ADGRV1: variants seen among roughly 807,000 people sequenced by gnomAD.
ADGRV1 encodes G-protein coupled receptor 98.
ADGRV1 carries 359 observed loss-of-function variants against 596.2 expected under a neutral mutation model. That is an observed-to-expected ratio of 0.60 (90% CI 0.55 to 0.66). The LOEUF (loss-of-function observed/expected upper bound fraction) is 0.66, where lower values mean the gene tolerates loss of function less well. Among genes scored for constraint, ADGRV1 ranks in the 30% least tolerant of loss-of-function variants. The probability of loss-of-function intolerance (pLI) is 0.00; values close to 1 mark genes in which losing one functional copy is unlikely to be tolerated. For synonymous variants in ADGRV1, 2,681 were observed against 2,679.2 expected (o/e 1.00, Z -0.02); for missense variants, 7,274 against 7,575.6 (o/e 0.96, Z 1.48).
rs765033070 is a variant in ADGRV1, at chr5:90,711,089, T to A, written c.8903+30T>A. The stretch of plus-strand genomic sequence containing the variant: ...GGCCAAGGCTGCATGAGAGCCCTCT[T>A]CTGGGTTTCATATTATTTACTATCT... On this transcript the variant is annotated intron_variant, in intron 40 of 89. Transcript: ENST00000405460. 203 of 1,581,216 alleles carry A rather than the reference T, an allele frequency of 1.3e-4. 4 individuals are homozygous for A. The South Asian group carries it at 2.2e-3, about 18-fold the overall frequency.
chr5:91,023,087 G>A (rs1211636204), intron 85 of ADGRV1, among the ~76,000 whole-genome samples: 1 of 152,092 alleles, frequency 6.6e-6, no homozygotes, highest in Non-Finnish European at 1.5e-5. Flanking sequence ...TTTCCCCATT[G>A]AAGATACCAC....
chr5:90,692,014 A>C (rs1746538773), intron 31 of ADGRV1, among the ~76,000 whole-genome samples: 1 of 152,166 alleles, frequency 6.6e-6, no homozygotes, highest in Non-Finnish European at 1.5e-5. Flanking sequence ...GATAGCATTT[A>C]TTCTTTAATA....
intron 21 of ADGRV1, among the ~76,000 whole-genome samples, chr5:90,667,945 C>G (rs1238625495): frequency 6.6e-6 from 1 of 152,010 alleles, no homozygotes; most frequent in Admixed American, 6.5e-5. Context: ...CAGGCACCCA[C>G]TTGAGGAGGC....
intron 83 of ADGRV1, among the ~76,000 whole-genome samples, chr5:90,958,686 C>T (rs368095279): frequency 1.5e-3 from 227 of 152,190 alleles, no homozygotes; most frequent in African/African-American, 4.9e-3. Flanking sequence ...TGTGCATGTG[C>T]GTGTCTGTGT....
chr5:91,122,422 A>G (rs1036627910), intron 87 of ADGRV1, among the ~76,000 whole-genome samples: 3 of 152,246 alleles, frequency 2.0e-5, no homozygotes, highest in African/African-American at 4.8e-5. Context: ...ATGTACTTGT[A>G]TACACACAAA....
At chr5:90,653,166 A>G in intron 19 of ADGRV1, 43 bp from the exon 20 acceptor site, 1 of 1,499,148 alleles carries the variant, frequency 6.7e-7, no homozygotes, top group Middle Eastern at 1.8e-4. Flanking sequence ...ACTAGAAAGT[A>G]CTTGAAATTC....
intron 4 of ADGRV1, among the ~76,000 whole-genome samples, chr5:90,621,964 T>C (rs1764140907): frequency 6.6e-6 from 1 of 152,128 alleles, no homozygotes; most frequent in African/African-American, 2.4e-5. Flanking sequence ...ACCCCAGTTA[T>C]GTATGGGGCT....
intron 5 of ADGRV1, among the ~76,000 whole-genome samples, chr5:90,623,875 A>T (rs866893669): frequency 4.6e-5 from 7 of 152,208 alleles, no homozygotes; most frequent in African/African-American, 1.2e-4. Flanking sequence ...TTGATTGCTT[A>T]CTGACCATGT....
At position 90,653,761 on chromosome 5, in the gene ADGRV1, T is replaced by C; in HGVS notation, c.4187T>C (p.Leu1396Pro). Reference protein sequence around the residue: ...KIQTNESHVTLSLHYKTLGSN... With the variant: ...KIQTNESHVTPSLHYKTLGSN... ...CAAACAAACGAATCCCATGTGACAC[T>C]TTCCCTTCATTATAAAACCTTGGGT... Residue 1396 changes from leucine (L) to proline (P), a missense_variant, in exon 20 of 90, where the codon CTT (leucine) becomes CCT (proline). Around this residue, in one of 5 missense-constraint regions of ADGRV1, gnomAD observed 1,715 missense variants for 1,708.8 expected, o/e 1.00. Transcript: ENST00000405460. 5 of 1,613,250 alleles carry C rather than the reference T, an allele frequency of 3.1e-6. No homozygotes were observed. The highest frequency in any genetic ancestry group is 4.2e-6 in the Non-Finnish European group (5 of 1,179,550).
Position 90,805,367 on chromosome 5 carries a change from T to C in ADGRV1, c.14745T>C (p.Tyr4915=), listed in dbSNP as rs756529686. Residue 4915 remains tyrosine (Y), a synonymous_variant, in exon 72 of 90, where the codon TAT becomes TAC. Coordinates refer to ENST00000405460, the MANE Select transcript of ADGRV1 (RefSeq NM_032119.4). ...TTATGATTTCTAGGAGAGGCACATA[T>C]GGAGCTCTCTCGGTTGCCTGGACCA... is the stretch of plus-strand genomic sequence containing the variant. The part of the protein sequence containing the change: ...SHVMISRRGT[Y]GALSVAWTTG... 6 of 1,612,276 alleles carry C rather than the reference T, an allele frequency of 3.7e-6. No individual in the cohort carries two copies. The highest frequency in any genetic ancestry group is 1.7e-5 in the Admixed American group (1 of 59,994).
chr5:90,811,166 A>G lies in ADGRV1; in HGVS notation c.15906A>G (p.Ile5302Met). Residue 5302 changes from isoleucine (I) to methionine (M), a missense_variant, in exon 74 of 90, where the codon ATA (isoleucine) becomes ATG (methionine). This residue lies in a region of ADGRV1 where 1,874 missense variants were observed against 1,970.2 expected (regional missense o/e 0.95). Transcript: ENST00000405460. ...EDFEEQTLTLIFLDGERERKV... is the reference protein window; with the variant it reads ...EDFEEQTLTLMFLDGERERKV... ...TTGAAGAACAAACTCTTACCCTTAT[A>G]TTCCTAGATGGAGAAAGAGAACGTA... 2 of 1,613,894 alleles carry G rather than the reference A, an allele frequency of 1.2e-6. No individual in the cohort carries two copies. Among genetic ancestry groups the G allele is most frequent in the Non-Finnish European group, 8.5e-7 (1 of 1,179,828 alleles).
At chr5:90,595,670 C>A (rs1321142233) in intron 1 of ADGRV1, among the ~76,000 whole-genome samples, 2 of 135,926 alleles carry the variant, frequency 1.5e-5, no homozygotes, top group African/African-American at 6.0e-5. Flanking sequence ...AACTGACCCC[C>A]CCACCTCCCT....
At chr5:90,879,857 G>A (rs1247857244) in intron 83 of ADGRV1, among the ~76,000 whole-genome samples, 1 of 152,046 alleles carries the variant, frequency 6.6e-6, no homozygotes, top group Non-Finnish European at 1.5e-5. Flanking sequence ...TGAGGCAGGA[G>A]AATCAATCGC....
intron 60 of ADGRV1, among the ~76,000 whole-genome samples, chr5:90,774,554 A>G (rs897556641): frequency 6.6e-6 from 1 of 152,160 alleles, no homozygotes; most frequent in African/African-American, 2.4e-5. Flanking sequence ...GAAGATGTTT[A>G]TTGTAGCAGT....
chr5:90,650,624 C>A (rs111437295), intron 17 of ADGRV1, among the ~76,000 whole-genome samples: 1 of 152,064 alleles, frequency 6.6e-6, no homozygotes, highest in African/African-American at 2.4e-5. Context: ...ATAAATTCTG[C>A]GCACCGGTTA....
At chr5:90,751,154 G>A (rs1755204726) in intron 53 of ADGRV1, among the ~76,000 whole-genome samples, 1 of 152,136 alleles carries the variant, frequency 6.6e-6, no homozygotes, top group Non-Finnish European at 1.5e-5. Context: ...TGAGAGTTGT[G>A]GACAGAAGGA....
At chr5:90,608,084 G>C (rs183808996) in intron 1 of ADGRV1, among the ~76,000 whole-genome samples, 1 of 152,146 alleles carries the variant, frequency 6.6e-6, no homozygotes. Context: ...TAGGATAATT[G>C]AAATTTGATG....
At chr5:91,053,265 T>C (rs1036005727) in intron 85 of ADGRV1, among the ~76,000 whole-genome samples, 1 of 152,206 alleles carries the variant, frequency 6.6e-6, no homozygotes, top group Non-Finnish European at 1.5e-5. Context: ...CAAAATGATA[T>C]ATGTCACTCA....
chr5:90,742,689 G>C (rs1049668968), intron 50 of ADGRV1, among the ~76,000 whole-genome samples: 1 of 152,116 alleles, frequency 6.6e-6, no homozygotes, highest in Non-Finnish European at 1.5e-5. Context: ...TAGAAGAGAA[G>C]ATGTCTGAGA....
Sources: allele counts gnomAD v4.1 joint callset (sites outside exome capture counted in the v4.1 genomes callset), GRCh38; gene constraint gnomAD v4.1.1; regional missense constraint gnomAD v4.1.1; transcripts MANE v1.5; gene names NCBI Gene and HGNC (gene_info 2026-07-23, HGNC 2026-07-21).